EML1: variants seen among roughly 807,000 people sequenced by gnomAD.
EML1 encodes EMAP like 1, also known as echinoderm microtubule-associated protein-like 1.
A neutral mutation model predicts 110.4 loss-of-function variants in EML1; 27 were observed. The observed-to-expected ratio is 0.24, with a 90% CI of 0.18 to 0.34. The LOEUF (loss-of-function observed/expected upper bound fraction) is 0.34, where lower values mean the gene tolerates loss of function less well. EML1 is among the 10% of genes least tolerant of loss of function. The pLI, the probability that EML1 is intolerant of heterozygous loss-of-function variation, is 1.00. For missense variants in EML1, 741 were observed against 1,030.9 expected (o/e 0.72, Z 3.85); for synonymous variants, 344 against 385.8 (o/e 0.89, Z 1.27).
chr14:99,828,597 G>GTA (rs1182420830), intron 1 of EML1, among the ~76,000 whole-genome samples: 1 of 152,052 alleles, frequency 6.6e-6, no homozygotes, highest in South Asian at 2.1e-4. Flanking sequence ...GTCACCATAG[G>GTA]TATATATATA....
At chr14:99,749,533 G>A (rs1409708962) in intron 1 of EML1, among the ~76,000 whole-genome samples, 1 of 152,212 alleles carries the variant, frequency 6.6e-6, no homozygotes, top group African/African-American at 2.4e-5. Context: ...CTGTGATGAG[G>A]GCTCAGTGAG....
chr14:99,746,927 G>A (rs999694544), intron 1 of EML1, among the ~76,000 whole-genome samples: 1 of 152,124 alleles, frequency 6.6e-6, no homozygotes. Flanking sequence ...GCCCTGCCCT[G>A]GGCGGCTCCT....
chr14:99,884,431 G>A (rs1057118082), intron 4 of EML1, among the ~76,000 whole-genome samples: 1 of 152,238 alleles, frequency 6.6e-6, no homozygotes, highest in Non-Finnish European at 1.5e-5. Context: ...ATGGCAGGGA[G>A]TGGGAAGGAG....
At chr14:99,889,101 C>G (rs987942859) in intron 4 of EML1, among the ~76,000 whole-genome samples, 2 of 152,164 alleles carry the variant, frequency 1.3e-5, no homozygotes, top group African/African-American at 4.8e-5. Context: ...AAGTGCCAGG[C>G]AGCAGCTGGC....
Position 99,795,510 on chromosome 14 carries a change from A to G in EML1, c.67+1967A>G, listed in dbSNP as rs148407225. ...ATAAAGTTTAAAGCAAGAGTGGCCT[A>G]TGGGGCAGAAGTCAATGTTAACTGG... On this transcript the variant is annotated intron_variant, in intron 1 of 21. Transcript: ENST00000262233. Among the ~76,000 whole-genome samples the G allele has an allele frequency of 7.0e-4, 107 of 152,256 alleles. 1 individual carries two copies. In the East Asian group the frequency reaches 0.02, roughly 28 times the overall value.
chr14:99,895,901 TATCA>T (rs2059664298), intron 6 of EML1, among the ~76,000 whole-genome samples: 1 of 151,992 alleles, frequency 6.6e-6, no homozygotes, highest in Admixed American at 6.6e-5. Context: ...CATATATTCA[TATCA>T]ATCAAAAAGG....
In EML1 at chr14:99,794,746, C is replaced by T. The variant is rs537588345; in HGVS notation, c.67+1203C>T. On this transcript the variant is annotated intron_variant, in intron 1 of 21. Transcript: ENST00000262233. The stretch of plus-strand genomic sequence containing the variant: ...TCTTCAGTGGAATTAAAGAAAGTTT[C>T]TGCTTTTTCTCTGAATTTAACGCCA... Among the ~76,000 whole-genome samples the T allele has an allele frequency of 2.0e-5, 3 of 152,258 alleles. No homozygotes were observed. The South Asian group carries it at 6.2e-4, about 32-fold the overall frequency.
At chr14:99,746,940 G>A (rs1245757582) in intron 1 of EML1, among the ~76,000 whole-genome samples, 1 of 152,096 alleles carries the variant, frequency 6.6e-6, no homozygotes, top group Non-Finnish European at 1.5e-5. Context: ...CGGCTCCTCC[G>A]CACTCCTGTT....
chr14:99,760,123 G>C (rs1289213236), intron 1 of EML1, among the ~76,000 whole-genome samples: 1 of 130,380 alleles, frequency 7.7e-6, no homozygotes, highest in African/African-American at 2.9e-5. Flanking sequence ...AGAGCTATGA[G>C]ACCAGGCTTA....
chr14:99,770,359 T>C (rs1025010299), upstream of EML1, among the ~76,000 whole-genome samples: 1 of 125,448 alleles, frequency 8.0e-6, no homozygotes, highest in African/African-American at 3.2e-5. Context: ...AGCTCTCGTG[T>C]CTTTTTAAAA....
intron 1 of EML1, among the ~76,000 whole-genome samples, chr14:99,831,077 A>G (rs890388315): frequency 1.3e-5 from 2 of 152,196 alleles, no homozygotes; most frequent in Non-Finnish European, 2.9e-5. Flanking sequence ...GGAAAATTCA[A>G]CAACTCAAAT....
intron 17 of EML1, among the ~76,000 whole-genome samples, chr14:99,933,931 C>T (rs573486224): frequency 6.6e-6 from 1 of 152,120 alleles, no homozygotes; most frequent in South Asian, 2.1e-4. Flanking sequence ...CCCGTCTCTA[C>T]TAAAAATACA....
At chr14:99,799,322 A>G (rs755996170) in intron 1 of EML1, among the ~76,000 whole-genome samples, 5 of 152,216 alleles carry the variant, frequency 3.3e-5, no homozygotes, top group Admixed American at 6.5e-5. Context: ...TGACATCTCT[A>G]ATACTGATGA....
intron 1 of EML1, among the ~76,000 whole-genome samples, chr14:99,746,119 A>G (rs1003717635): frequency 6.6e-6 from 1 of 152,206 alleles, no homozygotes; most frequent in Non-Finnish European, 1.5e-5. Context: ...CTATGTAGTC[A>G]ATGTTATCAT....
chr14:99,893,139 T>C lies in EML1; in HGVS notation c.548-1490T>C, dbSNP rs2059615883. ...AGACACGCCTGGCCCCAGAGGAGAATCCCTGTGGGTGGCTGTGGCAGATGA... is the reference window on the plus strand; with the variant it reads ...AGACACGCCTGGCCCCAGAGGAGAACCCCTGTGGGTGGCTGTGGCAGATGA... On this transcript the variant is annotated intron_variant, in intron 5 of 21. Coordinates refer to ENST00000262233, the MANE Select transcript of EML1 (RefSeq NM_004434.3). Among the ~76,000 whole-genome samples the C allele has an allele frequency of 2.0e-5, 3 of 152,104 alleles. No individual in the cohort carries two copies. The South Asian group carries it at 6.2e-4, about 32-fold the overall frequency.
chr14:99,815,254 G>T, intron 1 of EML1, among the ~76,000 whole-genome samples: 1 of 148,944 alleles, frequency 6.7e-6, no homozygotes, highest in East Asian at 2.0e-4. Context: ...CTTTTCTCCT[G>T]CCTCAGCCTT....
chr14:99,823,352 G>C (rs551483616), intron 1 of EML1, among the ~76,000 whole-genome samples: 70 of 152,128 alleles, frequency 4.6e-4, no homozygotes, highest in Non-Finnish European at 7.4e-4. Context: ...TCCCCACTTA[G>C]CCATCAGAAC....
At chr14:99,813,772 C>T (rs2058120568) in intron 1 of EML1, among the ~76,000 whole-genome samples, 1 of 152,074 alleles carries the variant, frequency 6.6e-6, no homozygotes, top group Non-Finnish European at 1.5e-5. Context: ...GATCATTATA[C>T]CAATCCTAAT....
upstream of EML1, among the ~76,000 whole-genome samples, chr14:99,772,627 C>T (rs934903865): frequency 7.9e-5 from 12 of 152,154 alleles, no homozygotes; most frequent in African/African-American, 2.4e-4. Context: ...TTTTGTATAG[C>T]GTTTGTGTTG....
Sources: allele counts gnomAD v4.1 joint callset (sites outside exome capture counted in the v4.1 genomes callset), GRCh38; gene constraint gnomAD v4.1.1; transcripts MANE v1.5; gene names NCBI Gene and HGNC (gene_info 2026-07-23, HGNC 2026-07-21).